Variants in ATF7IP observed in about 807,000 individuals in gnomAD.
ATF7IP encodes the protein activating transcription factor 7-interacting protein 1.
A neutral mutation model predicts 106.4 loss-of-function variants in ATF7IP; 23 were observed. That is an observed-to-expected ratio of 0.22 (90% confidence interval 0.16 to 0.31). The LOEUF (loss-of-function observed/expected upper bound fraction) is 0.31. Among genes scored for constraint, ATF7IP ranks in the 10% least tolerant of loss-of-function variants. ATF7IP has a pLI of 1.00. For synonymous variants in ATF7IP, 542 were observed against 539.0 expected (o/e 1.01, Z -0.08); for missense variants, 1,334 against 1,524.3 (o/e 0.88, Z 2.08).
intron 1 of ATF7IP, among the ~76,000 whole-genome samples, chr12:14,370,306 G>A (rs1167790586): frequency 6.6e-5 from 10 of 152,084 alleles, no homozygotes; most frequent in Non-Finnish European, 1.3e-4. Flanking sequence ...ATGATATAAA[G>A]TTTAAACAGA....
chr12:14,417,706 A>G (rs1026138158), intron 1 of ATF7IP, among the ~76,000 whole-genome samples: 5 of 152,328 alleles, frequency 3.3e-5, no homozygotes, highest in Non-Finnish European at 7.4e-5. Context: ...TGTAAATCTT[A>G]TCCATTTATG....
intron 1 of ATF7IP, among the ~76,000 whole-genome samples, chr12:14,398,742 T>C (rs1302677201): frequency 1.3e-5 from 2 of 152,020 alleles, no homozygotes; most frequent in Non-Finnish European, 2.9e-5. Context: ...AGGACATATC[T>C]CTTTTTTTTG....
At chr12:14,434,287 G>A in intron 2 of ATF7IP, 50 bp from the exon 3 acceptor site, 2 of 1,117,636 alleles carry the variant, frequency 1.8e-6, no homozygotes, top group Non-Finnish European at 2.7e-6. Flanking sequence ...TTAGTGAGCT[G>A]TTATGAATTC....
At chr12:14,423,259 T>G (rs969065728) in intron 1 of ATF7IP, among the ~76,000 whole-genome samples, 1 of 152,122 alleles carries the variant, frequency 6.6e-6, no homozygotes, top group Non-Finnish European at 1.5e-5. Context: ...TTCTTAGATA[T>G]TCTAGATATA....
chr12:14,406,647 A>AAATAACAG (rs1487071795), intron 1 of ATF7IP, among the ~76,000 whole-genome samples: 2 of 150,410 alleles, frequency 1.3e-5, no homozygotes, highest in Non-Finnish European at 3.0e-5. Context: ...CCAGTGTTTA[A>AAATAACAG]AATAACAGTA....
chr12:14,479,559 A>T lies in ATF7IP; in HGVS notation c.3097+1087A>T, dbSNP rs115412654. On this transcript the variant is annotated intron_variant, in intron 12 of 14. Transcript: ENST00000261168. ...ATACTTAAAACACCAGATATCTTGT[A>T]GGAATCAGGATGTTTTCCATAGTGA... Among the ~76,000 whole-genome samples, 667 of 152,310 alleles carry T rather than the reference A, an allele frequency of 4.4e-3. 4 individuals are homozygous for T. Among genetic ancestry groups the T allele is most frequent in the African/African-American group, 0.015 (642 of 41,582 alleles).
intron 10 of ATF7IP, among the ~76,000 whole-genome samples, chr12:14,470,596 T>C (rs900612751): frequency 2.0e-5 from 3 of 152,186 alleles, no homozygotes; most frequent in African/African-American, 7.2e-5. Flanking sequence ...TAGTGGGTGC[T>C]TTGGCAAGTT....
intron 11 of ATF7IP, 80 bp downstream of exon 11, chr12:14,476,048 C>A: frequency 1.0e-6 from 1 of 1,001,078 alleles, no homozygotes; most frequent in Non-Finnish European, 1.6e-6. Flanking sequence ...TCTACAAAGA[C>A]AGATGTTTAT....
At chr12:14,439,268 A>G (rs1232199202) in intron 5 of ATF7IP, among the ~76,000 whole-genome samples, 2 of 152,180 alleles carry the variant, frequency 1.3e-5, no homozygotes, top group African/African-American at 4.8e-5. Context: ...TGAGTGGTAA[A>G]CCATGTATAG....
intron 1 of ATF7IP, among the ~76,000 whole-genome samples, chr12:14,406,259 T>C (rs1376660506): frequency 6.6e-6 from 1 of 152,142 alleles, no homozygotes; most frequent in Non-Finnish European, 1.5e-5. Context: ...CCACCACGCC[T>C]GGCTGATTGC....
At chr12:14,371,423 T>C (rs1247853697) in intron 1 of ATF7IP, among the ~76,000 whole-genome samples, 1 of 152,142 alleles carries the variant, frequency 6.6e-6, no homozygotes, top group Non-Finnish European at 1.5e-5. Flanking sequence ...ACACTGCTTA[T>C]AACAGCTTAG....
rs1457926631 is a variant in ATF7IP, at chr12:14,370,900, CAA to C, written c.-8+5074_-8+5075del. Among the ~76,000 whole-genome samples, 25 of 150,486 alleles carry C rather than the reference CAA, an allele frequency of 1.7e-4. No individual in the cohort carries two copies. In the South Asian group the frequency reaches 4.0e-3, roughly 24 times the overall value. On this transcript the variant is annotated intron_variant, in intron 1 of 14. Coordinates refer to ENST00000261168, the MANE Select transcript of ATF7IP (RefSeq NM_018179.5). ...AAAATCCTTTTTTGTTAAACACAGA[CAA>C]TTTTTTTTTTTTTTGATGGAGGAAT...
chr12:14,400,267 AG>A, intron 1 of ATF7IP, among the ~76,000 whole-genome samples: 1 of 152,318 alleles, frequency 6.6e-6, no homozygotes, highest in African/African-American at 2.4e-5. Context: ...ATACATGTTT[AG>A]ATTTTTGTGT....
chr12:14,379,744 C>T (rs545571859), intron 1 of ATF7IP, among the ~76,000 whole-genome samples: 1 of 152,138 alleles, frequency 6.6e-6, no homozygotes, highest in Non-Finnish European at 1.5e-5. Context: ...GACACTGCTC[C>T]ATTATCTTCT....
intron 6 of ATF7IP, among the ~76,000 whole-genome samples, chr12:14,452,884 G>C (rs1369869065): frequency 6.6e-6 from 1 of 151,954 alleles, no homozygotes; most frequent in Non-Finnish European, 1.5e-5. Flanking sequence ...ACTTCTTTTA[G>C]GACAGGTATA....
intron 1 of ATF7IP, among the ~76,000 whole-genome samples, 198 bp downstream of exon 1, chr12:14,366,025 C>T (rs1311219890): frequency 6.6e-6 from 1 of 152,162 alleles, no homozygotes; most frequent in East Asian, 1.9e-4. Flanking sequence ...GCTGGCGGGG[C>T]GGTGGCTGCG....
In ATF7IP at chr12:14,457,190, G is replaced by A; in HGVS notation, c.2070-17G>A. 1 of 1,593,284 alleles carries A rather than the reference G, an allele frequency of 6.3e-7. No homozygotes were observed. Among genetic ancestry groups the A allele is most frequent in the Non-Finnish European group, 8.6e-7 (1 of 1,162,182 alleles). On this transcript the variant is annotated splice_polypyrimidine_tract_variant and intron_variant, in intron 7 of 14. Transcript: ENST00000261168. ...TGGCATATCTATTGACTATTGGTGT[G>A]TATATGTATTTCATAGAAATGCAGG...
chr12:14,365,797 G>A lies in ATF7IP; in HGVS notation c.-38G>A, dbSNP rs897515763. 14 of 153,650 alleles carry A rather than the reference G, an allele frequency of 9.1e-5. No homozygotes were observed. Among genetic ancestry groups the A allele is most frequent in the African/African-American group, 3.4e-4 (14 of 41,464 alleles). 9.5% of individuals were successfully genotyped at this position (153,650 alleles called of 1,614,324 possible). ...GGACGGCTCTGTAGGAAGGAACTTG[G>A]TTCCCCCTCCCTCAGCTTCCGCCCC... On this transcript the variant is annotated 5_prime_UTR_variant, in exon 1 of 15. Coordinates refer to ENST00000261168, the MANE Select transcript of ATF7IP (RefSeq NM_018179.5).
chr12:14,416,870 T>C (rs939267319), intron 1 of ATF7IP: 22 of 977,084 alleles, frequency 2.3e-5, no homozygotes, highest in Non-Finnish European at 2.7e-5. Context: ...GACTGAAACA[T>C]TGAAGCAGCT....
Sources: allele counts gnomAD v4.1 joint callset (sites outside exome capture counted in the v4.1 genomes callset), GRCh38; gene constraint gnomAD v4.1.1; transcripts MANE v1.5; gene names NCBI Gene and HGNC (gene_info 2026-07-23, HGNC 2026-07-21).